The following PREX2 variants were observed in gnomAD, a reference collection of about 807,000 sequenced individuals.
PREX2 encodes the protein phosphatidylinositol-3,4,5-trisphosphate dependent Rac exchange factor 2.
Under a neutral mutation model 203.2 loss-of-function variants are expected in PREX2, and 107 were observed. The observed-to-expected ratio is 0.53, with a 90% CI of 0.45 to 0.62. The LOEUF is 0.62. Ranked by LOEUF, PREX2 falls within the 20% of genes least tolerant of loss-of-function variation. The probability of loss-of-function intolerance (pLI) is 0.00; values close to 1 mark genes in which losing one functional copy is unlikely to be tolerated. For missense variants in PREX2, 1,777 were observed against 1,955.9 expected, an observed-to-expected ratio of 0.91 and a Z score of 1.72; for synonymous variants, 672 against 663.6, an observed-to-expected ratio of 1.01 and a Z score of -0.19.
chr8:68,195,667 G>A (rs1357381871), intron 37 of PREX2, among the ~76,000 whole-genome samples: 1 of 152,116 alleles, frequency 6.6e-6, no homozygotes, highest in African/African-American at 2.4e-5. Flanking sequence ...AAACACGGAG[G>A]TTTACCCTCA....
intron 1 of PREX2, among the ~76,000 whole-genome samples, chr8:67,966,634 C>A (rs990271711): frequency 6.6e-6 from 1 of 151,918 alleles, no homozygotes; most frequent in Admixed American, 6.6e-5. Flanking sequence ...ACAACAACAA[C>A]AAAAAGAAAA....
chr8:67,967,785 G>A (rs1030474400), intron 1 of PREX2, among the ~76,000 whole-genome samples: 2 of 152,136 alleles, frequency 1.3e-5, no homozygotes, highest in Non-Finnish European at 2.9e-5. Flanking sequence ...GAAAGGGGAT[G>A]GGAAGGATCA....
intron 26 of PREX2, among the ~76,000 whole-genome samples, chr8:68,117,338 A>G (rs1810678944): frequency 6.6e-6 from 1 of 152,206 alleles, no homozygotes; most frequent in Non-Finnish European, 1.5e-5. Flanking sequence ...TTGTCTCTTA[A>G]CCACTCTACT....
Position 68,093,684 on chromosome 8 carries a change from G to C in PREX2, c.2330G>C (p.Gly777Ala), listed in dbSNP as rs1432696049. The C allele has an allele frequency of 6.2e-7, 1 of 1,607,556 alleles. No homozygotes were observed. The highest frequency in any genetic ancestry group is 1.7e-5 in the Admixed American group (1 of 59,952). The change falls in exon 21 of 40, where the codon GGA becomes GCA. Residue 777 changes from glycine (G) to alanine (A), a missense_variant. By Grantham distance (60) the Gly-to-Ala change is moderately conservative. Coordinates refer to ENST00000288368, the MANE Select transcript of PREX2 (RefSeq NM_024870.4). Reference protein sequence around the residue: ...DLQKSHSKPPGDEAGDAFDCK... With the variant: ...DLQKSHSKPPADEAGDAFDCK... ...CAAAAATCTCACTCCAAGCCCCCTGGAGATGAAGCAGGGGATGCTTTTGAC... is the reference window on the plus strand; with the variant it reads ...CAAAAATCTCACTCCAAGCCCCCTGCAGATGAAGCAGGGGATGCTTTTGAC...
intron 8 of PREX2, among the ~76,000 whole-genome samples, chr8:68,052,473 T>A (rs1054982524): frequency 1.3e-5 from 2 of 152,142 alleles, no homozygotes; most frequent in African/African-American, 2.4e-5. Flanking sequence ...TCTTCAAAAA[T>A]TTTTTTATAA....
intron 31 of PREX2, among the ~76,000 whole-genome samples, chr8:68,131,296 A>G (rs1811004817): frequency 6.6e-6 from 1 of 152,330 alleles, no homozygotes; most frequent in African/African-American, 2.4e-5. Context: ...GATGGTTTGT[A>G]AAAAGTTAAC....
chr8:68,205,838 C>T (rs1028859165), intron 37 of PREX2, among the ~76,000 whole-genome samples: 6 of 152,172 alleles, frequency 3.9e-5, no homozygotes, highest in Admixed American at 2.0e-4. Flanking sequence ...CACATTCTCC[C>T]TTCAATTTAT....
intron 1 of PREX2, among the ~76,000 whole-genome samples, chr8:67,957,072 A>T (rs1313885000): frequency 6.6e-6 from 1 of 152,148 alleles, no homozygotes; most frequent in Middle Eastern, 3.2e-3. Context: ...ATAAGTAGTT[A>T]CTGTTATTTT....
At chr8:68,162,594 C>T (rs1165629659) in intron 35 of PREX2, among the ~76,000 whole-genome samples, 1 of 152,036 alleles carries the variant, frequency 6.6e-6, no homozygotes, top group Non-Finnish European at 1.5e-5. Flanking sequence ...CCAAAGATGG[C>T]AATGAAGAGA....
At chr8:68,074,732 A>G (rs1293161202) in intron 14 of PREX2, among the ~76,000 whole-genome samples, 1 of 152,184 alleles carries the variant, frequency 6.6e-6, no homozygotes, top group Non-Finnish European at 1.5e-5. Flanking sequence ...CAAGACTCTG[A>G]AATGATAATA....
rs199707782 is a variant in PREX2, at chr8:67,993,752, TC to T, written c.142-24092del. 2.0e-4 allele frequency among the ~76,000 whole-genome samples: 30 copies of T among 152,280 alleles called. 1 individual carries two copies. The East Asian group carries it at 4.8e-3, about 24-fold the overall frequency. On this transcript the variant is annotated intron_variant, in intron 1 of 39. Transcript: ENST00000288368. ...CATTAACTATTTATTGAGTATTTTA[TC>T]CAGGGCCAATCACCATGGGAATACC...
intron 37 of PREX2, among the ~76,000 whole-genome samples, chr8:68,201,550 G>A (rs1247179009): frequency 3.9e-5 from 6 of 152,322 alleles, no homozygotes; most frequent in Admixed American, 3.9e-4. Context: ...GGCTAAGCCA[G>A]TCTAATCTCT....
At chr8:68,006,295 T>C (rs958184746) in intron 1 of PREX2, among the ~76,000 whole-genome samples, 1 of 152,224 alleles carries the variant, frequency 6.6e-6, no homozygotes, top group Non-Finnish European at 1.5e-5. Flanking sequence ...GTTTCCCCGC[T>C]GAGATGCAGT....
rs375325359 is a variant in PREX2, at chr8:68,191,005, G to A, written c.4347-717G>A. ...AATGGCTATTTTAATACACAAAATG[G>A]CATGAAATACTATACAGCCATAAAA... is the stretch of plus-strand genomic sequence containing the variant. On this transcript the variant is annotated intron_variant, in intron 35 of 39. Coordinates refer to ENST00000288368, the MANE Select transcript of PREX2 (RefSeq NM_024870.4). Among the ~76,000 whole-genome samples, 18 of 152,126 alleles carry A rather than the reference G, an allele frequency of 1.2e-4. No homozygotes were observed. The South Asian group carries it at 3.5e-3, about 30-fold the overall frequency.
intron 1 of PREX2, among the ~76,000 whole-genome samples, chr8:67,970,944 G>A (rs1805908751): frequency 6.6e-6 from 1 of 152,158 alleles, no homozygotes; most frequent in Admixed American, 6.5e-5. Flanking sequence ...AAGAGTAAAT[G>A]CCTGAGGCTT....
chr8:68,131,711 G>T (rs751242390), intron 31 of PREX2, among the ~76,000 whole-genome samples: 16 of 152,220 alleles, frequency 1.1e-4, no homozygotes, highest in Middle Eastern at 3.4e-3. Flanking sequence ...AAATAGAAAA[G>T]AACTTTTTCA....
intron 35 of PREX2, among the ~76,000 whole-genome samples, chr8:68,190,122 T>C (rs1231352145): frequency 1.3e-5 from 2 of 152,200 alleles, no homozygotes; most frequent in East Asian, 3.9e-4. Flanking sequence ...CGCTCACTGA[T>C]TTTGCCCAAT....
intron 34 of PREX2, among the ~76,000 whole-genome samples, chr8:68,147,987 A>G (rs762298157): frequency 1.3e-5 from 2 of 152,086 alleles, no homozygotes; most frequent in African/African-American, 2.4e-5. Flanking sequence ...TGGCTCACGC[A>G]TGTAATCCTA....
rs2129615716 is a variant in PREX2, at chr8:68,233,124, A to G, written c.*1746A>G. ...GTGAGAAGTCCATATACAATGAAAA[A>G]CAAGGAACCTAACATCAGAGTTTTC... On this transcript the variant is annotated 3_prime_UTR_variant, in exon 40 of 40. Transcript: ENST00000288368. 1 of 152,344 alleles carries G rather than the reference A, an allele frequency of 6.6e-6. No individual in the cohort carries two copies. Among genetic ancestry groups the G allele is most frequent in the East Asian group, 1.9e-4 (1 of 5,188 alleles). 9.4% of individuals were successfully genotyped at this position (152,344 alleles called of 1,614,324 possible). A position where few individuals can be genotyped will look rare whatever the true frequency, so the allele number is the denominator to read the frequency against.
Sources: gnomAD v4.1 joint callset for allele counts (sites outside exome capture counted in the v4.1 genomes callset) on GRCh38, gnomAD v4.1.1 for gene constraint, MANE v1.5 for transcripts, NCBI Gene and HGNC (gene_info 2026-07-23, HGNC 2026-07-21) for gene names.